STIM1: variants seen among roughly 807,000 people sequenced by gnomAD.
STIM1 encodes the protein stromal interaction molecule 1.
In STIM1, 25 loss-of-function variants were observed where a neutral mutation model predicts 74.7. That is an observed-to-expected ratio of 0.33 (90% CI 0.24 to 0.47). The LOEUF is 0.47. Among genes scored for constraint, STIM1 ranks in the 20% least tolerant of loss-of-function variants. The pLI, the probability that STIM1 is intolerant of heterozygous loss-of-function variation, is 1.00. For missense variants in STIM1, 728 were observed against 920.8 expected (o/e 0.79, Z 2.71); for synonymous variants, 328 against 348.8 (o/e 0.94, Z 0.66).
chr11:3,889,573 C>T (rs985854675), intron 1 of STIM1, among the ~76,000 whole-genome samples: 3 of 152,012 alleles, frequency 2.0e-5, no homozygotes, highest in Non-Finnish European at 4.4e-5. Flanking sequence ...TGGAGTTTCA[C>T]CGTGGATACT....
chr11:4,066,103 A>C (rs2094363535), intron 5 of STIM1, among the ~76,000 whole-genome samples: 1 of 152,102 alleles, frequency 6.6e-6, no homozygotes, highest in Non-Finnish European at 1.5e-5. Flanking sequence ...AGTTGACCTC[A>C]TTTTGCTAAA....
Position 3,915,360 on chromosome 11 carries a change from G to T in STIM1, c.140-52192G>T, listed in dbSNP as rs558450718. 4.7e-4 allele frequency among the ~76,000 whole-genome samples: 72 copies of T among 151,964 alleles called. 1 individual carries two copies. In the South Asian group the frequency reaches 0.014, roughly 29 times the overall value. On this transcript the variant is annotated intron_variant, in intron 1 of 12. Coordinates refer to ENST00000526596, the MANE Select transcript of STIM1 (RefSeq NM_001382567.1). Reference sequence around the variant, plus strand: ...CTGCCTCAGCCTTGCAGAGTGTTGGGATTAATAGGCCTGAGCCACTGTATC... The same window carrying T: ...CTGCCTCAGCCTTGCAGAGTGTTGGTATTAATAGGCCTGAGCCACTGTATC...
At chr11:3,960,213 G>A (rs74051572) in intron 1 of STIM1, among the ~76,000 whole-genome samples, 2 of 152,048 alleles carry the variant, frequency 1.3e-5, no homozygotes, top group Non-Finnish European at 2.9e-5. Context: ...GATAACTATG[G>A]TTATTCAGTA....
chr11:4,019,756 T>C lies in STIM1; in HGVS notation c.271-4117T>C, dbSNP rs536189829. ...TGATCAAATTAGGGGGTAAAATTAG[T>C]ATATCTGTCATCTCAAACATATATC... On this transcript the variant is annotated intron_variant, in intron 2 of 12. Coordinates refer to ENST00000526596, the MANE Select transcript of STIM1 (RefSeq NM_001382567.1). Among the ~76,000 whole-genome samples, 10 of 152,342 alleles carry C rather than the reference T, an allele frequency of 6.6e-5. No homozygotes were observed. The South Asian group carries it at 2.1e-3, about 32-fold the overall frequency.
chr11:3,908,683 A>G (rs1268419086), intron 1 of STIM1, among the ~76,000 whole-genome samples: 1 of 152,120 alleles, frequency 6.6e-6, no homozygotes, highest in Non-Finnish European at 1.5e-5. Flanking sequence ...TCTGCTTAAT[A>G]CATTGTCAAG....
intron 1 of STIM1, chr11:3,961,309 G>C (rs986022618): frequency 7.0e-5 from 17 of 241,878 alleles, no homozygotes; most frequent in Admixed American, 6.5e-4. Context: ...TGACAGTGTT[G>C]CAGAAGATGT....
intron 2 of STIM1, among the ~76,000 whole-genome samples, chr11:3,981,181 G>A (rs1458500926): frequency 6.6e-6 from 1 of 152,092 alleles, no homozygotes; most frequent in Non-Finnish European, 1.5e-5. Context: ...ATCTGCCTCG[G>A]GCTCCCAAAG....
At chr11:3,953,595 A>G (rs1663805376) in intron 1 of STIM1, among the ~76,000 whole-genome samples, 2 of 152,182 alleles carry the variant, frequency 1.3e-5, no homozygotes. Flanking sequence ...CTAGGGCAAA[A>G]CAACCCATTT....
chr11:3,900,146 C>T (rs34262285), intron 1 of STIM1, among the ~76,000 whole-genome samples: 7,702 of 152,236 alleles, frequency 0.051, 273 homozygotes, highest in Middle Eastern at 0.12. Context: ...TGGCAGACGA[C>T]CCTCCCCCAG....
In STIM1 at chr11:3,857,134, G is replaced by A. The variant is rs1422967370; in HGVS notation, c.139+725G>A. On this transcript the variant is annotated intron_variant, in intron 1 of 12. Coordinates refer to ENST00000526596, the MANE Select transcript of STIM1 (RefSeq NM_001382567.1). ...TTTTTTTTTTTTTTTCCCTGAGTCT[G>A]CTTGCTAGGGAAACCATGCTACTTT... 4.4e-5 allele frequency among the ~76,000 whole-genome samples: 5 copies of A among 112,674 alleles called. No homozygotes were observed. The East Asian group carries it at 1.4e-3, about 31-fold the overall frequency. 73.9% of individuals were successfully genotyped at this position (112,674 alleles called of 152,430 possible).
chr11:4,002,133 T>G (rs979200440), intron 2 of STIM1, among the ~76,000 whole-genome samples: 7 of 142,718 alleles, frequency 4.9e-5, no homozygotes, highest in Admixed American at 1.4e-4. Context: ...CACACAATAA[T>G]AATGGGAGAC....
chr11:3,895,206 G>C (rs139196107), intron 1 of STIM1, among the ~76,000 whole-genome samples: 95 of 152,272 alleles, frequency 6.2e-4, no homozygotes, highest in Middle Eastern at 3.4e-3. Flanking sequence ...AAACAGGGCA[G>C]GGGAGCAAGG....
At chr11:3,901,016 C>A (rs754776433) in intron 1 of STIM1, among the ~76,000 whole-genome samples, 1 of 152,168 alleles carries the variant, frequency 6.6e-6, no homozygotes, top group African/African-American at 2.4e-5. Context: ...CATGGCGAAA[C>A]CCTGTCTCTA....
chr11:4,032,385 A>G (rs527442803), intron 3 of STIM1, among the ~76,000 whole-genome samples: 182 of 152,332 alleles, frequency 1.2e-3, no homozygotes, highest in African/African-American at 4.1e-3. Context: ...CTCTATTATG[A>G]TACGCTGATC....
chr11:3,992,090 T>C (rs1189591133), intron 2 of STIM1, among the ~76,000 whole-genome samples: 1 of 87,238 alleles, frequency 1.1e-5, no homozygotes, highest in Non-Finnish European at 2.1e-5. Context: ...TGTTTTTTTG[T>C]TTTTTTTTTT....
At chr11:3,908,547 G>C (rs1403590360) in intron 1 of STIM1, among the ~76,000 whole-genome samples, 1 of 150,390 alleles carries the variant, frequency 6.6e-6, no homozygotes, top group East Asian at 1.9e-4. Flanking sequence ...GGGAGGTGGA[G>C]CTTGCAGTAA....
At chr11:3,879,114 C>G (rs1177448757) in intron 1 of STIM1, among the ~76,000 whole-genome samples, 1 of 152,114 alleles carries the variant, frequency 6.6e-6, no homozygotes, top group Non-Finnish European at 1.5e-5. Flanking sequence ...CACCGCCACA[C>G]CCAGCTAATT....
chr11:3,938,227 C>T (rs1443772682), intron 1 of STIM1, among the ~76,000 whole-genome samples: 1 of 152,116 alleles, frequency 6.6e-6, no homozygotes, highest in Non-Finnish European at 1.5e-5. Flanking sequence ...CATGAGCCAC[C>T]GCGCCCGGCC....
chr11:3,967,703 A>G (rs1434514406), intron 2 of STIM1, 21 bp downstream of exon 2: 2 of 1,614,026 alleles, frequency 1.2e-6, no homozygotes, highest in Non-Finnish European at 8.5e-7. Context: ...CCATCCTGCT[A>G]TGTCTCTCTT....
Sources: allele counts gnomAD v4.1 joint callset (sites outside exome capture counted in the v4.1 genomes callset), GRCh38; gene constraint gnomAD v4.1.1; transcripts MANE v1.5; gene names NCBI Gene and HGNC (gene_info 2026-07-23, HGNC 2026-07-21).